PAPSS1: variants seen among roughly 807,000 people sequenced by gnomAD.
The protein encoded by PAPSS1 is bifunctional 3'-phosphoadenosine 5'-phosphosulfate synthase 1.
In PAPSS1, 50 loss-of-function variants were observed where a neutral mutation model predicts 72.0. The ratio of observed to expected loss-of-function variants is 0.69; its 90% CI spans 0.55 to 0.88. The LOEUF is 0.88. PAPSS1 is among the 40% of genes least tolerant of loss of function. PAPSS1 has a pLI of 0.00. For synonymous variants in PAPSS1, 261 were observed against 263.6 expected, an observed-to-expected ratio of 0.99 and a Z score of 0.09; for missense variants, 657 against 782.2, an observed-to-expected ratio of 0.84 and a Z score of 1.91.
intron 6 of PAPSS1, among the ~76,000 whole-genome samples, chr4:107,658,933 A>G (rs530344013): frequency 6.6e-6 from 1 of 152,184 alleles, no homozygotes; most frequent in Non-Finnish European, 1.5e-5. Context: ...AAATTTGAAA[A>G]CCAATGAATT....
chr4:107,699,777 C>T (rs1305183797), intron 2 of PAPSS1, among the ~76,000 whole-genome samples: 2 of 152,106 alleles, frequency 1.3e-5, no homozygotes, highest in Non-Finnish European at 2.9e-5. Context: ...TTTTAAAATT[C>T]CAAGACCAAG....
intron 5 of PAPSS1, among the ~76,000 whole-genome samples, chr4:107,675,771 T>C (rs1198187375): frequency 6.6e-6 from 1 of 152,142 alleles, no homozygotes; most frequent in African/African-American, 2.4e-5. Flanking sequence ...TGAACATCGA[T>C]GCAAAAATCC....
chr4:107,618,373 A>ATTTT (rs749711217), intron 11 of PAPSS1, among the ~76,000 whole-genome samples: 1 of 143,792 alleles, frequency 7.0e-6, no homozygotes. Context: ...TTGAGATGTG[A>ATTTT]TTTTTTTTTT....
Position 107,654,863 on chromosome 4 carries a change from A to G in PAPSS1, c.933T>C (p.Thr311=). Residue 311 remains threonine (T), a synonymous_variant, in exon 8 of 12, where the codon ACT becomes ACC. Coordinates refer to ENST00000265174, the MANE Select transcript of PAPSS1 (RefSeq NM_005443.5). ...GCCTCTCTTTATCTTCATGAGTCGC[A>G]GTCAGAACTATAGGTACTGACAAGT... The part of the protein sequence containing the change: ...VINLSVPIVL[T]ATHEDKERLD... 8.1e-6 allele frequency: 13 copies of G among 1,614,054 alleles called. No homozygotes were observed. The highest frequency in any genetic ancestry group is 1.1e-5 in the Non-Finnish European group (13 of 1,179,936).
intron 11 of PAPSS1, among the ~76,000 whole-genome samples, chr4:107,627,549 A>G (rs1023701726): frequency 6.6e-5 from 10 of 152,160 alleles, no homozygotes; most frequent in Non-Finnish European, 1.3e-4. Context: ...AAAGAACTAC[A>G]AATTATAGGG....
intron 11 of PAPSS1, among the ~76,000 whole-genome samples, chr4:107,620,748 T>C (rs1037653670): frequency 1.1e-4 from 16 of 152,146 alleles, no homozygotes; most frequent in Admixed American, 7.9e-4. Flanking sequence ...ACTCCTGAGA[T>C]TGAGAAACCC....
At chr4:107,637,455 C>A (rs1370647640) in intron 10 of PAPSS1, among the ~76,000 whole-genome samples, 1 of 152,082 alleles carries the variant, frequency 6.6e-6, no homozygotes, top group Non-Finnish European at 1.5e-5. Flanking sequence ...ACATATAATA[C>A]CACTACCACT....
intron 5 of PAPSS1, among the ~76,000 whole-genome samples, chr4:107,678,535 T>C (rs1416443988): frequency 1.3e-5 from 2 of 151,796 alleles, no homozygotes; most frequent in African/African-American, 4.8e-5. Flanking sequence ...GCACATGAAC[T>C]GCTTACCTTT....
At position 107,615,162 on chromosome 4, in the gene PAPSS1, A is replaced by G. The variant is rs1725788317; in HGVS notation, c.1737-775T>C. On this transcript the variant is annotated intron_variant, in intron 11 of 11. Coordinates refer to ENST00000265174, the MANE Select transcript of PAPSS1 (RefSeq NM_005443.5). Reference sequence around the variant, plus strand: ...ACAAGACACAACAGAGGTAGTGTTGATAGTTTTTCTCATCTTCACACATAC... The same window carrying G: ...ACAAGACACAACAGAGGTAGTGTTGGTAGTTTTTCTCATCTTCACACATAC... Among the ~76,000 whole-genome samples the G allele has an allele frequency of 4.6e-5, 7 of 152,076 alleles. No homozygotes were observed. The South Asian group carries it at 8.3e-4, about 18-fold the overall frequency.
At chr4:107,634,238 A>G (rs1726300315) in intron 10 of PAPSS1, among the ~76,000 whole-genome samples, 1 of 151,742 alleles carries the variant, frequency 6.6e-6, no homozygotes, top group South Asian at 2.1e-4. Context: ...CTAGTCTTGA[A>G]CTCCCGTGCT....
intron 11 of PAPSS1, among the ~76,000 whole-genome samples, chr4:107,624,775 G>C (rs1376683778): frequency 1.3e-5 from 2 of 152,148 alleles, no homozygotes; most frequent in Non-Finnish European, 2.9e-5. Flanking sequence ...AGACTCATTG[G>C]TAAATTCACG....
chr4:107,699,336 C>CT (rs1054615658), intron 2 of PAPSS1, among the ~76,000 whole-genome samples: 171 of 151,166 alleles, frequency 1.1e-3, no homozygotes, highest in African/African-American at 4.1e-3. Context: ...GGTAAGAGGA[C>CT]TTACTCCACT....
At chr4:107,676,481 T>C (rs1727652967) in intron 5 of PAPSS1, among the ~76,000 whole-genome samples, 1 of 152,134 alleles carries the variant, frequency 6.6e-6, no homozygotes, top group African/African-American at 2.4e-5. Flanking sequence ...TTACAAGGGA[T>C]GTGAAAGACC....
At chr4:107,642,862 A>G (rs1439273598) in intron 10 of PAPSS1, among the ~76,000 whole-genome samples, 1 of 152,222 alleles carries the variant, frequency 6.6e-6, no homozygotes, top group African/African-American at 2.4e-5. Context: ...GTACAACCAC[A>G]TCAAAAAACT....
rs1308815702 is a variant in PAPSS1 at position 107,679,068 on chromosome 4, G to A, written c.669+2947C>T. 2.0e-5 allele frequency among the ~76,000 whole-genome samples: 3 copies of A among 152,142 alleles called. No homozygotes were observed. In the East Asian group the frequency reaches 5.8e-4, roughly 29 times the overall value. ...AACTCCCCTCCAAGCCTCCCAGGGT[G>A]AAAGCAGAGATTAGCTGTTATGCAG... On this transcript the variant is annotated intron_variant, in intron 5 of 11. Coordinates refer to ENST00000265174, the MANE Select transcript of PAPSS1 (RefSeq NM_005443.5).
intron 10 of PAPSS1, among the ~76,000 whole-genome samples, chr4:107,633,091 C>T (rs575839160): frequency 2.0e-5 from 3 of 152,286 alleles, no homozygotes; most frequent in East Asian, 1.9e-4. Context: ...AAACAGCATG[C>T]TTACACTTTG....
rs114882986 is a variant in PAPSS1 at position 107,647,754 on chromosome 4, T to C, written c.1238-2684A>G. On this transcript the variant is annotated intron_variant, in intron 9 of 11. Coordinates refer to ENST00000265174, the MANE Select transcript of PAPSS1 (RefSeq NM_005443.5). ...TTGGCCATTCCAGTCTAACCACCTGTTTCTGACATCTTGTGGTCCTCTTGG... is the reference window on the plus strand; with the variant it reads ...TTGGCCATTCCAGTCTAACCACCTGCTTCTGACATCTTGTGGTCCTCTTGG... Among the ~76,000 whole-genome samples the C allele has an allele frequency of 2.6e-3, 389 of 152,240 alleles. 4 individuals carry two copies. Among genetic ancestry groups the C allele is most frequent in the African/African-American group, 9.0e-3 (375 of 41,532 alleles).
At chr4:107,626,787 C>T (rs1433357074) in intron 11 of PAPSS1, among the ~76,000 whole-genome samples, 3 of 152,178 alleles carry the variant, frequency 2.0e-5, no homozygotes, top group African/African-American at 4.8e-5. Context: ...ACATCAAATG[C>T]TATCACCTTT....
At chr4:107,702,984 T>A (rs760880143) in intron 1 of PAPSS1, among the ~76,000 whole-genome samples, 1 of 152,172 alleles carries the variant, frequency 6.6e-6, no homozygotes, top group Non-Finnish European at 1.5e-5. Flanking sequence ...ACACTAGGAT[T>A]TTCTTTTCTC....
Sources: gnomAD v4.1 joint callset for allele counts (sites outside exome capture counted in the v4.1 genomes callset) on GRCh38, gnomAD v4.1.1 for gene constraint, MANE v1.5 for transcripts, NCBI Gene and HGNC (gene_info 2026-07-23, HGNC 2026-07-21) for gene names.